MAD1L1: variants seen among roughly 807,000 people sequenced by gnomAD.
MAD1L1 encodes the protein mitotic spindle assembly checkpoint protein MAD1.
A neutral mutation model predicts 96.9 loss-of-function variants in MAD1L1; 95 were observed. That is an observed-to-expected ratio of 0.98 (90% CI 0.83 to 1.16). The LOEUF (loss-of-function observed/expected upper bound fraction) is 1.16. Among genes scored for constraint, MAD1L1 ranks in the 50% most tolerant of loss-of-function variants. The probability of loss-of-function intolerance (pLI) is 0.00; values close to 1 mark genes in which losing one functional copy is unlikely to be tolerated. For synonymous variants in MAD1L1, 473 were observed against 396.6 expected (o/e 1.19, Z -2.29); for missense variants, 1,007 against 954.4 (o/e 1.06, Z -0.73).
At chr7:2,192,289 C>T (rs1388524243) in intron 10 of MAD1L1, among the ~76,000 whole-genome samples, 1 of 152,032 alleles carries the variant, frequency 6.6e-6, no homozygotes. Context: ...TGCCACCACG[C>T]CCAGCTAATT....
chr7:1,816,125 G>C lies in MAD1L1; in HGVS notation c.2102C>G (p.Pro701Arg), dbSNP rs1440684498. 23 of 1,612,934 alleles carry C rather than the reference G, an allele frequency of 1.4e-5. No individual in the cohort carries two copies. Among genetic ancestry groups the C allele is most frequent in the Non-Finnish European group, 1.9e-5 (22 of 1,179,850 alleles). Reference protein sequence around the residue: ...EVHLRRQDSIPAFLSSLTLEL... With the variant: ...EVHLRRQDSIRAFLSSLTLEL... ...GAGGGTGAGCGAGCTGAGGAAGGCA[G>C]GGATGCTGTCCTGGCGCCGCAGGTG... is the stretch of plus-strand genomic sequence containing the variant. The change falls in exon 19 of 19, where the codon CCT becomes CGT. Residue 701 changes from proline to arginine, a missense_variant. Coordinates refer to ENST00000265854, the MANE Select transcript of MAD1L1 (RefSeq NM_001013836.2).
At chr7:1,951,779 T>A (rs1206572768) in intron 16 of MAD1L1, among the ~76,000 whole-genome samples, 1 of 152,064 alleles carries the variant, frequency 6.6e-6, no homozygotes, top group Admixed American at 6.5e-5. Flanking sequence ...GCCTCCTCCT[T>A]GAGGCTGTAT....
chr7:2,193,700 G>A (rs946697805), intron 10 of MAD1L1, among the ~76,000 whole-genome samples: 5 of 152,134 alleles, frequency 3.3e-5, no homozygotes, highest in Non-Finnish European at 5.9e-5. Context: ...AGATTCCTCC[G>A]GAAAACCTCA....
At chr7:1,963,817 T>G (rs1780047573) in intron 15 of MAD1L1, among the ~76,000 whole-genome samples, 1 of 152,142 alleles carries the variant, frequency 6.6e-6, no homozygotes, top group East Asian at 1.9e-4. Context: ...AATGCTTCGC[T>G]CCTCTTGAGG....
intron 18 of MAD1L1, among the ~76,000 whole-genome samples, chr7:1,863,156 G>A (rs375053011): frequency 2.0e-5 from 3 of 152,280 alleles, no homozygotes; most frequent in East Asian, 1.9e-4. Context: ...AGATCTGAGC[G>A]CACGAGGAGG....
intron 18 of MAD1L1, among the ~76,000 whole-genome samples, chr7:1,841,629 C>A (rs35610003): frequency 5.3e-5 from 8 of 152,018 alleles, no homozygotes; most frequent in Non-Finnish European, 7.4e-5. Context: ...TGAAGCTGGA[C>A]GAGCCCACAG....
intron 13 of MAD1L1, among the ~76,000 whole-genome samples, chr7:2,006,201 CCT>C (rs1165676659): frequency 6.6e-6 from 1 of 152,018 alleles, no homozygotes; most frequent in East Asian, 1.9e-4. Context: ...ACGAGCAGGC[CCT>C]GTGGCCATTC....
At chr7:1,929,709 C>CCCCTCGCCCATCCCCCACTGCCAT (rs1789320261) in intron 17 of MAD1L1, among the ~76,000 whole-genome samples, 5 of 134,842 alleles carry the variant, frequency 3.7e-5, no homozygotes, top group East Asian at 2.0e-4. Context: ...CCCGCTGCCA[C>CCCCTCGCCCATCCCCCACTGCCAT]GTCCCCTCGC....
At chr7:1,993,662 G>C (rs1781441398) in intron 14 of MAD1L1, among the ~76,000 whole-genome samples, 1 of 152,206 alleles carries the variant, frequency 6.6e-6, no homozygotes, top group African/African-American at 2.4e-5. Context: ...TCTGGGCGAA[G>C]AAACCATCTT....
chr7:2,090,554 T>C (rs1315223558), intron 11 of MAD1L1, among the ~76,000 whole-genome samples: 1 of 152,190 alleles, frequency 6.6e-6, no homozygotes, highest in Non-Finnish European at 1.5e-5. Context: ...AGCGTCCTTG[T>C]TCCTTCCCAG....
intron 12 of MAD1L1, among the ~76,000 whole-genome samples, chr7:2,051,930 G>T (rs978429688): frequency 6.6e-6 from 1 of 152,092 alleles, no homozygotes; most frequent in Non-Finnish European, 1.5e-5. Context: ...TCACTGGGAA[G>T]TCTTTTGTTA....
rs1787582381 is a variant in MAD1L1, at chr7:2,114,887, T to G, written c.1073+34265A>C. Among the ~76,000 whole-genome samples the G allele has an allele frequency of 6.6e-6, 1 of 152,190 alleles. No homozygotes were observed. The highest frequency in any genetic ancestry group is 2.1e-4 in the South Asian group (1 of 4,828). ...TAGTTCTGGGATCTCGGTAAGAATC[T>G]GCTTTGCAAACACAAGGGCCTCGAA... On this transcript the variant is annotated intron_variant, in intron 11 of 18. Transcript: ENST00000265854. The surrounding 1 kb of genome is among the most constrained non-coding windows in gnomAD (Gnocchi z 4.2).
chr7:1,934,153 G>A (rs944664414), intron 17 of MAD1L1, among the ~76,000 whole-genome samples: 1 of 152,190 alleles, frequency 6.6e-6, no homozygotes, highest in Non-Finnish European at 1.5e-5. Flanking sequence ...TCACCTCCTG[G>A]TGGCGCCATG....
At chr7:2,065,440 GT>G (rs1784838970) in intron 12 of MAD1L1, among the ~76,000 whole-genome samples, 1 of 152,312 alleles carries the variant, frequency 6.6e-6, no homozygotes, top group East Asian at 1.9e-4. Flanking sequence ...TTTGTGGACG[GT>G]TTTTTGATTG....
chr7:2,158,821 C>T (rs1020628819), intron 10 of MAD1L1, among the ~76,000 whole-genome samples: 1 of 150,124 alleles, frequency 6.7e-6, no homozygotes, highest in Non-Finnish European at 1.5e-5. Flanking sequence ...GTGCAGTACC[C>T]GGCCCTGGGT....
intron 14 of MAD1L1, among the ~76,000 whole-genome samples, chr7:1,984,565 G>A (rs1781060441): frequency 6.6e-6 from 1 of 152,228 alleles, no homozygotes; most frequent in South Asian, 2.1e-4. Flanking sequence ...GCGGTGATGT[G>A]TTATTTGGCT....
intron 17 of MAD1L1, among the ~76,000 whole-genome samples, chr7:1,911,090 C>T (rs1007738495): frequency 6.6e-6 from 1 of 151,980 alleles, no homozygotes; most frequent in Non-Finnish European, 1.5e-5. Flanking sequence ...TGTCTAAGTG[C>T]TACTCCCACA....
chr7:2,222,585 T>G lies in MAD1L1; in HGVS notation c.461A>C (p.Gln154Pro), dbSNP rs770147619. Residue 154 changes from glutamine (Q) to proline (P), a missense_variant, in exon 5 of 19, where the codon CAG becomes CCG. Coordinates refer to ENST00000265854, the MANE Select transcript of MAD1L1 (RefSeq NM_001013836.2). ...RLREKEDSLAQAGETINALKG... is the reference protein window; with the variant it reads ...RLREKEDSLAPAGETINALKG... Reference sequence around the variant, plus strand: ...AGAGGCCCCGCTCACCTCGCCAGCCTGGGCCAGACTGTCCTCTTTCTCACG... The same window carrying G: ...AGAGGCCCCGCTCACCTCGCCAGCCGGGGCCAGACTGTCCTCTTTCTCACG... The G allele has an allele frequency of 3.1e-6, 5 of 1,602,234 alleles. No homozygotes were observed. Among genetic ancestry groups the G allele is most frequent in the Non-Finnish European group, 8.5e-7 (1 of 1,174,288 alleles).
intron 18 of MAD1L1, among the ~76,000 whole-genome samples, chr7:1,878,140 C>G (rs1650313097): frequency 6.6e-6 from 1 of 152,000 alleles, no homozygotes; most frequent in African/African-American, 2.4e-5. Flanking sequence ...CAAAAAACAT[C>G]TGAGTAGTTC....
Sources: gnomAD v4.1 joint callset for allele counts (sites outside exome capture counted in the v4.1 genomes callset) on GRCh38, gnomAD v4.1.1 for gene constraint, Gnocchi (gnomAD v3.1) non-coding constraint, MANE v1.5 for transcripts, NCBI Gene and HGNC (gene_info 2026-07-23, HGNC 2026-07-21) for gene names.